Variants in LY96 observed in about 807,000 individuals in gnomAD.
LY96 encodes the protein myeloid differentiation protein-2.
Under a neutral mutation model 18.9 loss-of-function variants are expected in LY96, and 18 were observed. That is an observed-to-expected ratio of 0.95 (90% CI 0.66 to 1.41). The LOEUF is 1.41. Ranked by LOEUF, LY96 falls within the 40% of genes most tolerant of loss-of-function variation. The probability of loss-of-function intolerance (pLI) is 0.00; values close to 1 mark genes in which losing one functional copy is unlikely to be tolerated. For synonymous variants in LY96, 66 were observed against 62.6 expected, an observed-to-expected ratio of 1.06 and a Z score of -0.26; for missense variants, 175 against 182.4, an observed-to-expected ratio of 0.96 and a Z score of 0.23.
the LY96 span, among the ~76,000 whole-genome samples, chr8:74,066,778 G>C: frequency 6.6e-6 from 1 of 152,162 alleles, no homozygotes; most frequent in Non-Finnish European, 1.5e-5. Flanking sequence ...AGTTAAGCGA[G>C]GATGAAGGTG....
At chr8:74,044,638 T>G in the LY96 span, among the ~76,000 whole-genome samples, 11 of 152,068 alleles carry the variant, frequency 7.2e-5, 1 homozygote, top group Non-Finnish European at 2.9e-5. Flanking sequence ...GAGACGGTGG[T>G]GAGGGACCTT....
downstream of LY96, among the ~76,000 whole-genome samples, chr8:74,029,738 C>A (rs1285038154): frequency 6.6e-6 from 1 of 152,184 alleles, no homozygotes; most frequent in Non-Finnish European, 1.5e-5. Flanking sequence ...CGGCTCACTG[C>A]AACCTCTGCC....
chr8:74,071,959 C>A, the LY96 span, among the ~76,000 whole-genome samples: 2 of 152,062 alleles, frequency 1.3e-5, no homozygotes, highest in Admixed American at 6.6e-5. Flanking sequence ...TTTGTTATTG[C>A]AAACATTGCT....
intron 1 of LY96, among the ~76,000 whole-genome samples, chr8:74,004,413 G>GT (rs1816365324): frequency 1.3e-5 from 2 of 152,162 alleles, no homozygotes; most frequent in South Asian, 4.1e-4. Context: ...CTAGGAGCTG[G>GT]TTGGGGGGGT....
At chr8:74,085,647 G>T in the LY96 span, among the ~76,000 whole-genome samples, 1 of 152,096 alleles carries the variant, frequency 6.6e-6, no homozygotes, top group Non-Finnish European at 1.5e-5. Flanking sequence ...CCTTTTTCCT[G>T]TTCCTCAAGC....
At chr8:74,062,397 C>A in the LY96 span, among the ~76,000 whole-genome samples, 2 of 151,288 alleles carry the variant, frequency 1.3e-5, no homozygotes, top group African/African-American at 4.9e-5. Context: ...TCCCTCCCCG[C>A]ACCCCAACCC....
At chr8:74,021,749 C>T (rs1451379141) in intron 3 of LY96, among the ~76,000 whole-genome samples, 1 of 151,962 alleles carries the variant, frequency 6.6e-6, no homozygotes, top group Admixed American at 6.6e-5. Context: ...CCATAAAAAA[C>T]GATGAGTTCA....
the LY96 span, among the ~76,000 whole-genome samples, chr8:74,061,075 C>T: frequency 6.6e-6 from 1 of 152,326 alleles, no homozygotes; most frequent in South Asian, 2.1e-4. Flanking sequence ...AATTCCTTGG[C>T]ATGCCAAATC....
chr8:74,092,302 C>T, the LY96 span, among the ~76,000 whole-genome samples: 1 of 152,096 alleles, frequency 6.6e-6, no homozygotes, highest in Non-Finnish European at 1.5e-5. Flanking sequence ...TTCCAGTATC[C>T]CCACATTGCC....
chr8:74,044,874 C>T, the LY96 span, among the ~76,000 whole-genome samples: 1 of 152,192 alleles, frequency 6.6e-6, no homozygotes, highest in Non-Finnish European at 1.5e-5. Flanking sequence ...TTTTACATTC[C>T]CATGAATCCC....
chr8:74,052,606 C>T, the LY96 span: 1 of 152,218 alleles, frequency 6.6e-6, no homozygotes, highest in Non-Finnish European at 1.5e-5. Flanking sequence ...GGAACTGGGG[C>T]CTGTTGGTGG....
At chr8:74,041,178 C>G in the LY96 span, among the ~76,000 whole-genome samples, 2 of 152,216 alleles carry the variant, frequency 1.3e-5, no homozygotes, top group Admixed American at 1.3e-4. Context: ...AATCTCTGAA[C>G]ATAAATTGTG....
rs559028373 is a variant in LY96 at position 74,018,757 on chromosome 8, G to T, written c.332-8032G>T. Among the ~76,000 whole-genome samples the T allele has an allele frequency of 9.6e-4, 146 of 152,244 alleles. 1 individual carries two copies. The highest frequency in any genetic ancestry group is 3.4e-3 in the African/African-American group (141 of 41,532). On this transcript the variant is annotated intron_variant, in intron 3 of 4. Coordinates refer to ENST00000284818, the MANE Select transcript of LY96 (RefSeq NM_015364.5). ...CACAATGCAATCAAATTAGAACTCA[G>T]GATTAAGAAACTCACTAAAAACTAC... is the stretch of plus-strand genomic sequence containing the variant.
the LY96 span, among the ~76,000 whole-genome samples, chr8:74,090,921 G>A: frequency 1.1e-4 from 17 of 152,298 alleles, no homozygotes; most frequent in East Asian, 1.5e-3. Flanking sequence ...AGCTGTGCCC[G>A]CATGCTGCAG....
chr8:74,047,307 A>G, the LY96 span, among the ~76,000 whole-genome samples: 6 of 152,340 alleles, frequency 3.9e-5, no homozygotes, highest in South Asian at 1.2e-3. Flanking sequence ...CTGGCACAGT[A>G]GCACAGACTC....
At chr8:74,052,579 C>G in the LY96 span, 2 of 152,156 alleles carry the variant, frequency 1.3e-5, no homozygotes, top group African/African-American at 2.4e-5. Context: ...TAGCAGCAAG[C>G]CCAACTATAG....
chr8:73,998,785 A>G (rs551150910), intron 1 of LY96, among the ~76,000 whole-genome samples: 2 of 152,268 alleles, frequency 1.3e-5, no homozygotes, highest in Admixed American at 6.5e-5. Context: ...TTTTAGCAAC[A>G]TTGTCTTCCA....
chr8:74,090,450 G>C, the LY96 span, among the ~76,000 whole-genome samples: 2 of 152,178 alleles, frequency 1.3e-5, no homozygotes, highest in Admixed American at 1.3e-4. Context: ...AGAGCTATAA[G>C]AAATAACATT....
intron 3 of LY96, among the ~76,000 whole-genome samples, chr8:74,020,101 A>G (rs957516233): frequency 3.3e-5 from 5 of 152,220 alleles, no homozygotes; most frequent in Non-Finnish European, 7.3e-5. Flanking sequence ...AATAAAGGGT[A>G]TTCAATTAGG....
Sources: gnomAD v4.1 joint callset for allele counts (sites outside exome capture counted in the v4.1 genomes callset) on GRCh38, gnomAD v4.1.1 for gene constraint, MANE v1.5 for transcripts, NCBI Gene and HGNC (gene_info 2026-07-23, HGNC 2026-07-21) for gene names.